Variants in PPP6R3 observed in about 807,000 individuals in gnomAD.
PPP6R3 encodes protein phosphatase 6 regulatory subunit 3.
In PPP6R3, 38 loss-of-function variants were observed where a neutral mutation model predicts 110.7. The observed-to-expected ratio is 0.34, with a 90% CI of 0.26 to 0.45. The LOEUF (loss-of-function observed/expected upper bound fraction) is 0.45. PPP6R3 is among the 20% of genes least tolerant of loss of function. PPP6R3 has a pLI of 1.00. For synonymous variants in PPP6R3, 369 were observed against 373.5 expected, an observed-to-expected ratio of 0.99 and a Z score of 0.14; for missense variants, 870 against 1,062.4, an observed-to-expected ratio of 0.82 and a Z score of 2.52.
Position 68,551,124 on chromosome 11 carries a change from T to G in PPP6R3, c.556T>G (p.Leu186Val). 1.2e-6 allele frequency: 2 copies of G among 1,605,548 alleles called. No individual in the cohort carries two copies. Among genetic ancestry groups the G allele is most frequent in the Non-Finnish European group, 1.7e-6 (2 of 1,172,938 alleles). The change falls in exon 6 of 24, where the codon TTA becomes GTA. Residue 186 changes from leucine (L) to valine (V), a missense_variant. Transcript: ENST00000393800. ...ACTTCTACAATGTGTTTTACAGTGG[T>G]TAAATGAGGAGAAAATTATCCAGAG... is the stretch of plus-strand genomic sequence containing the variant. ...PQPRQDVLNW[L>V]NEEKIIQRLV...
chr11:68,475,596 C>T (rs2098824016), intron 1 of PPP6R3, among the ~76,000 whole-genome samples: 1 of 150,600 alleles, frequency 6.6e-6, no homozygotes, highest in Non-Finnish European at 1.5e-5. Context: ...GGCTGCCCCC[C>T]ACCTCCCTCC....
intron 12 of PPP6R3, among the ~76,000 whole-genome samples, chr11:68,573,145 TATATATATAA>T (rs1565935281): frequency 1.0e-4 from 12 of 114,690 alleles, no homozygotes; most frequent in East Asian, 2.9e-4. Flanking sequence ...TATATATATA[TATATATATAA>T]TTTTTTTTTT....
chr11:68,571,497 A>G (rs1308870459), intron 12 of PPP6R3, among the ~76,000 whole-genome samples: 1 of 152,230 alleles, frequency 6.6e-6, no homozygotes, highest in Non-Finnish European at 1.5e-5. Context: ...TTCATTGTAG[A>G]GAAGAGTTGC....
intron 10 of PPP6R3, among the ~76,000 whole-genome samples, chr11:68,569,416 G>A (rs138270792): frequency 0.01 from 1,555 of 152,254 alleles, 10 homozygotes; most frequent in African/African-American, 0.012. Context: ...ATTAAGCACA[G>A]GAAGAGATTA....
chr11:68,488,079 C>T (rs1018640890), intron 1 of PPP6R3, among the ~76,000 whole-genome samples: 1 of 152,176 alleles, frequency 6.6e-6, no homozygotes, highest in Non-Finnish European at 1.5e-5. Flanking sequence ...GTTATGTCTT[C>T]TTGGAATATT....
intron 1 of PPP6R3, among the ~76,000 whole-genome samples, chr11:68,500,526 G>T (rs1482035908): frequency 6.6e-6 from 1 of 152,142 alleles, no homozygotes; most frequent in Non-Finnish European, 1.5e-5. Context: ...TGCCCAAGCC[G>T]GAGTGCAGTG....
At chr11:68,525,636 A>T (rs2099193081) in intron 2 of PPP6R3, among the ~76,000 whole-genome samples, 1 of 152,220 alleles carries the variant, frequency 6.6e-6, no homozygotes, top group South Asian at 2.1e-4. Flanking sequence ...ATAATAGCTA[A>T]AACTTTAAAA....
In PPP6R3 at chr11:68,527,080, CAGCTT is replaced by C. The variant is rs147371094; in HGVS notation, c.-7+7432_-7+7436del. Among the ~76,000 whole-genome samples, 423 of 152,274 alleles carry C rather than the reference CAGCTT, an allele frequency of 2.8e-3. 1 individual carries two copies. The highest frequency in any genetic ancestry group is 9.4e-3 in the African/African-American group (391 of 41,536). On this transcript the variant is annotated intron_variant, in intron 2 of 23. Coordinates refer to ENST00000393800, the MANE Select transcript of PPP6R3 (RefSeq NM_001164161.2). ...TTCTGAGGGTTGTGTATTTCCCAGACAGCTTAGAATTCTAAAGGCAAGTATAAATT... is the reference window on the plus strand; with the variant it reads ...TTCTGAGGGTTGTGTATTTCCCAGACAGAATTCTAAAGGCAAGTATAAATT...
chr11:68,545,784 T>C (rs756564358), intron 4 of PPP6R3, among the ~76,000 whole-genome samples: 8 of 152,234 alleles, frequency 5.3e-5, no homozygotes, highest in Non-Finnish European at 1.0e-4. Flanking sequence ...ACCACCGCTT[T>C]AGTGGATATT....
chr11:68,609,456 C>A, intron 22 of PPP6R3: 1 of 868,582 alleles, frequency 1.2e-6, no homozygotes, highest in Non-Finnish European at 1.9e-6. Flanking sequence ...TAACTAAAGA[C>A]TCATTCCTTC....
At chr11:68,532,090 C>T (rs903482862) in intron 2 of PPP6R3, among the ~76,000 whole-genome samples, 2 of 152,186 alleles carry the variant, frequency 1.3e-5, no homozygotes, top group Non-Finnish European at 2.9e-5. Context: ...TTCCTAGTTC[C>T]TGTGTCAGAG....
intron 15 of PPP6R3, chr11:68,587,635 G>A: frequency 2.2e-6 from 1 of 448,332 alleles, no homozygotes; most frequent in Non-Finnish European, 4.1e-6. Context: ...CTTTAAACTA[G>A]GCTTAATCCA....
intron 12 of PPP6R3, 107 bp downstream of exon 12, chr11:68,571,211 G>T: frequency 2.2e-6 from 3 of 1,347,334 alleles, no homozygotes; most frequent in Admixed American, 3.3e-5. Context: ...ACATGATACT[G>T]GCCATTTTAC....
intron 7 of PPP6R3, among the ~76,000 whole-genome samples, chr11:68,556,109 C>T (rs1565818175): frequency 1.3e-5 from 2 of 152,174 alleles, no homozygotes; most frequent in African/African-American, 4.8e-5. Flanking sequence ...TATTAAATCA[C>T]TGTACTGGCA....
chr11:68,602,089 A>C (rs2099633665), intron 21 of PPP6R3, 120 bp downstream of exon 21: 1 of 695,142 alleles, frequency 1.4e-6, no homozygotes, highest in African/African-American at 1.8e-5. Context: ...TCTGATGTCC[A>C]CAGGGCAGCT....
chr11:68,602,062 G>A (rs531108062), intron 21 of PPP6R3, 93 bp downstream of exon 21: 175 of 980,588 alleles, frequency 1.8e-4, no homozygotes, highest in Non-Finnish European at 2.3e-4. Context: ...AGTGGAGCCC[G>A]GGAGTGAGAT....
At chr11:68,589,466 T>A (rs2099588891) in intron 16 of PPP6R3, among the ~76,000 whole-genome samples, 1 of 151,996 alleles carries the variant, frequency 6.6e-6, no homozygotes, top group African/African-American at 2.4e-5. Flanking sequence ...GAGTAGAAAA[T>A]GTGTAGGTAG....
chr11:68,612,438 A>G (rs1943982170), intron 23 of PPP6R3, among the ~76,000 whole-genome samples: 1 of 152,116 alleles, frequency 6.6e-6, no homozygotes, highest in Non-Finnish European at 1.5e-5. Context: ...CTTCCCGAAT[A>G]GGTTATATAT....
chr11:68,574,101 C>T lies in PPP6R3; in HGVS notation c.1344-8C>T, dbSNP rs746372239. On this transcript the variant is annotated splice_region_variant and splice_polypyrimidine_tract_variant and intron_variant, in intron 12 of 23. Coordinates refer to ENST00000393800, the MANE Select transcript of PPP6R3 (RefSeq NM_001164161.2). ...GAATCTGAGTATTTGTCCTTTACCT[C>T]TTGTCAGGGCTGAGGGAGGAAGACG... is the stretch of plus-strand genomic sequence containing the variant. 21 of 1,600,462 alleles carry T rather than the reference C, an allele frequency of 1.3e-5. No individual in the cohort carries two copies. The East Asian group carries it at 3.1e-4, about 24-fold the overall frequency.
Sources: allele counts gnomAD v4.1 joint callset (sites outside exome capture counted in the v4.1 genomes callset), GRCh38; gene constraint gnomAD v4.1.1; transcripts MANE v1.5; gene names NCBI Gene and HGNC (gene_info 2026-07-23, HGNC 2026-07-21).